The following RP2 variants were observed in gnomAD, a reference collection of about 807,000 sequenced individuals.
RP2 encodes protein XRP2.
In RP2, 3 loss-of-function variants were observed where a neutral mutation model predicts 20.3. That is an observed-to-expected ratio of 0.15 (90% confidence interval 0.07 to 0.38). The LOEUF is 0.38. RP2 is among the 10% of genes least tolerant of loss of function. RP2 has a pLI of 1.00. For synonymous variants in RP2, 75 were observed against 94.8 expected, an observed-to-expected ratio of 0.79 and a Z score of 1.22; for missense variants, 233 against 268.5, an observed-to-expected ratio of 0.87 and a Z score of 0.92.
chrX:46,844,675 A>G (rs1208987823), intron 1 of RP2, among the ~76,000 whole-genome samples: 32 of 111,372 alleles, frequency 2.9e-4, no homozygotes, highest in Admixed American at 7.7e-4. Context: ...ATGATTTATA[A>G]TCCTTTGGGT....
rs565211006 is a variant in RP2 at position 46,879,390 on chromosome X, C to T, written c.970-296C>T. 9.0e-5 allele frequency among the ~76,000 whole-genome samples: 10 copies of T among 111,009 alleles called. No homozygotes were observed. The Middle Eastern group carries it at 0.014, about 158-fold the overall frequency. On this transcript the variant is annotated intron_variant, in intron 4 of 4. Transcript: ENST00000218340. ...TAAGTGACTCTTATTCAGTAGCTTC[C>T]GTAATATTGAGTGTTGTAAAAGTCC... is the stretch of plus-strand genomic sequence containing the variant.
intron 2 of RP2, among the ~76,000 whole-genome samples, chrX:46,855,962 CAA>C (rs1924952540): frequency 9.0e-6 from 1 of 111,422 alleles, no homozygotes; most frequent in Non-Finnish European, 1.9e-5. Context: ...CAACAGAAGC[CAA>C]AGTTTAATTT....
chrX:46,874,133 T>C (rs1207735353), intron 3 of RP2, among the ~76,000 whole-genome samples: 1 of 112,004 alleles, frequency 8.9e-6, no homozygotes, highest in Non-Finnish European at 1.9e-5. Context: ...TTAAAACAAA[T>C]GCATTTGTCC....
Position 46,880,099 on chromosome X carries a change from C to G in RP2, c.*330C>G, listed in dbSNP as rs1925445889. The G allele has an allele frequency of 7.7e-6, 1 of 130,648 alleles. No individual in the cohort carries two copies. The highest frequency in any genetic ancestry group is 8.7e-5 in the Admixed American group (1 of 11,468). 10.8% of individuals were successfully genotyped at this position (130,648 alleles called of 1,213,427 possible). On this transcript the variant is annotated 3_prime_UTR_variant, in exon 5 of 5. Coordinates refer to ENST00000218340, the MANE Select transcript of RP2 (RefSeq NM_006915.3). Reference sequence around the variant, plus strand: ...CCTATTTAAATGTTCTTTCAAATCTCTAATAATTTAAACTTTCCTCAGTGC... The same window carrying G: ...CCTATTTAAATGTTCTTTCAAATCTGTAATAATTTAAACTTTCCTCAGTGC...
At chrX:46,873,861 C>T (rs782581838) in intron 3 of RP2, among the ~76,000 whole-genome samples, 27 of 110,488 alleles carry the variant, frequency 2.4e-4, no homozygotes, top group East Asian at 2.3e-3. Context: ...ACTCCCCTGA[C>T]GGTTCCCCAT....
chrX:46,864,226 C>T (rs1293766263), intron 3 of RP2, among the ~76,000 whole-genome samples: 1 of 111,380 alleles, frequency 9.0e-6, no homozygotes, highest in Non-Finnish European at 1.9e-5. Flanking sequence ...CACCTGAGCC[C>T]AGGGAGGTTG....
In RP2 at chrX:46,853,543, T is replaced by C; in HGVS notation, c.170T>C (p.Val57Ala). The C allele has an allele frequency of 2.5e-6, 3 of 1,211,269 alleles. No individual in the cohort carries two copies. The highest frequency in any genetic ancestry group is 1.1e-6 in the Non-Finnish European group (1 of 895,037). ...DETVGRLPGTVAGQQFLIQDC... is the reference protein window; with the variant it reads ...DETVGRLPGTAAGQQFLIQDC... ...ACAGTAGGTCGCTTACCTGGGACGGTAGCAGGACAACAGTTTCTCATTCAA... is the reference window on the plus strand; with the variant it reads ...ACAGTAGGTCGCTTACCTGGGACGGCAGCAGGACAACAGTTTCTCATTCAA... Residue 57 changes from valine to alanine, a missense_variant, in exon 2 of 5, where the codon GTA becomes GCA. Coordinates refer to ENST00000218340, the MANE Select transcript of RP2 (RefSeq NM_006915.3).
At chrX:46,872,606 T>C (rs1261979516) in intron 3 of RP2, among the ~76,000 whole-genome samples, 1 of 112,385 alleles carries the variant, frequency 8.9e-6, no homozygotes, top group Non-Finnish European at 1.9e-5. Context: ...CTGATAACAT[T>C]ATATTCTTAA....
At chrX:46,848,263 A>C (rs782643086) in intron 1 of RP2, among the ~76,000 whole-genome samples, 1 of 110,494 alleles carries the variant, frequency 9.1e-6, no homozygotes, top group Non-Finnish European at 1.9e-5. Flanking sequence ...ATTGCCGCTT[A>C]GTAAGATAAT....
chrX:46,874,027 G>A, intron 3 of RP2, among the ~76,000 whole-genome samples: 1 of 110,781 alleles, frequency 9.0e-6, no homozygotes, highest in Non-Finnish European at 1.9e-5. Flanking sequence ...CTTCAGCTGC[G>A]TTCTAGGAAC....
chrX:46,853,363 A>C, intron 1 of RP2, 113 bp from the exon 2 acceptor site: 1 of 635,129 alleles, frequency 1.6e-6, no homozygotes, highest in Non-Finnish European at 2.4e-6. Context: ...AGTCATTGAG[A>C]TTAAGAATTT....
At position 46,848,447 on chromosome X, in the gene RP2, C is replaced by T. The variant is rs782729500; in HGVS notation, c.103-5029C>T. Among the ~76,000 whole-genome samples, 6 of 102,391 alleles carry T rather than the reference C, an allele frequency of 5.9e-5. No individual in the cohort carries two copies. The East Asian group carries it at 1.2e-3, about 21-fold the overall frequency. 88.9% of individuals were successfully genotyped at this position (102,391 alleles called of 115,157 possible). ...TCTTCCACGCTGCAGTGCAGTGGTG[C>T]GATCTCGGCTCACTGCAACTCTGCC... On this transcript the variant is annotated intron_variant, in intron 1 of 4. Coordinates refer to ENST00000218340, the MANE Select transcript of RP2 (RefSeq NM_006915.3).
chrX:46,847,765 C>CATATGTGTGTGTGTATATACACACAT, intron 1 of RP2, among the ~76,000 whole-genome samples: 2 of 78,410 alleles, frequency 2.6e-5, no homozygotes, highest in South Asian at 1.2e-3. Flanking sequence ...TATATACACA[C>CATATGTGTGTGTGTATATACACACAT]ATGTGTGTGT....
At chrX:46,847,776 G>GTATA (rs782798784) in intron 1 of RP2, among the ~76,000 whole-genome samples, 1,247 of 74,501 alleles carry the variant, frequency 0.017, 35 homozygotes, top group African/African-American at 0.079. Flanking sequence ...ATGTGTGTGT[G>GTATA]TACATACACA....
At chrX:46,856,900 CTT>C (rs1569531731) in intron 2 of RP2, among the ~76,000 whole-genome samples, 2 of 111,849 alleles carry the variant, frequency 1.8e-5, no homozygotes, top group African/African-American at 6.5e-5. Flanking sequence ...AGACAAAAGA[CTT>C]ATATATTATA....
intron 1 of RP2, among the ~76,000 whole-genome samples, chrX:46,847,570 A>G (rs949675529): frequency 3.7e-4 from 39 of 106,159 alleles, no homozygotes; most frequent in African/African-American, 1.3e-3. Context: ...ATATGTGTGT[A>G]TATATATACA....
chrX:46,880,391 A>C lies in RP2; in HGVS notation c.*622A>C, dbSNP rs1409838718. ...AGTAACTCTACTAACAGATGTTGGTATAGCTATTTAAAGACTACTTCGTAA... is the reference window on the plus strand; with the variant it reads ...AGTAACTCTACTAACAGATGTTGGTCTAGCTATTTAAAGACTACTTCGTAA... On this transcript the variant is annotated 3_prime_UTR_variant, in exon 5 of 5. Coordinates refer to ENST00000218340, the MANE Select transcript of RP2 (RefSeq NM_006915.3). 1 of 112,505 alleles carries C rather than the reference A, an allele frequency of 8.9e-6. No individual in the cohort carries two copies. Among genetic ancestry groups the C allele is most frequent in the African/African-American group, 3.2e-5 (1 of 30,981 alleles). The allele number at this position is 112,505 out of a possible 1,213,427, so 9.3% of individuals were successfully genotyped here.
intron 1 of RP2, 122 bp downstream of exon 1, chrX:46,837,324 C>T: frequency 1.3e-6 from 1 of 772,099 alleles, no homozygotes; most frequent in Non-Finnish European, 1.9e-6. Context: ...ACGCGGATAG[C>T]TGAAGTCGGG....
intron 1 of RP2, among the ~76,000 whole-genome samples, chrX:46,847,806 A>G (rs782264978): frequency 8.4e-4 from 82 of 98,074 alleles, no homozygotes; most frequent in African/African-American, 3.0e-3. Flanking sequence ...GTGTATATAT[A>G]TACACACATA....
Sources: allele counts gnomAD v4.1 joint callset (sites outside exome capture counted in the v4.1 genomes callset), GRCh38; gene constraint gnomAD v4.1.1; transcripts MANE v1.5; gene names NCBI Gene and HGNC (gene_info 2026-07-23, HGNC 2026-07-21).